UBE3C: variants seen among roughly 807,000 people sequenced by gnomAD.
UBE3C encodes ubiquitin-protein ligase E3C.
UBE3C carries 42 observed loss-of-function variants against 129.4 expected under a neutral mutation model. That is an observed-to-expected ratio of 0.32 (90% CI 0.25 to 0.42). The LOEUF is 0.42. Among genes scored for constraint, UBE3C ranks in the 10% least tolerant of loss-of-function variants. The pLI is 1.00. For synonymous variants in UBE3C, 510 were observed against 492.4 expected, an observed-to-expected ratio of 1.04 and a Z score of -0.47; for missense variants, 1,049 against 1,319.1, an observed-to-expected ratio of 0.80 and a Z score of 3.17.
At chr7:157,146,365 A>C (rs1807605095) in intron 1 of UBE3C, among the ~76,000 whole-genome samples, 1 of 151,350 alleles carries the variant, frequency 6.6e-6, no homozygotes. Flanking sequence ...CCGAGTAGCT[A>C]GGATTACAGG....
intron 13 of UBE3C, among the ~76,000 whole-genome samples, chr7:157,215,786 C>G (rs1287770199): frequency 6.6e-6 from 1 of 151,988 alleles, no homozygotes; most frequent in East Asian, 1.9e-4. Flanking sequence ...TTTGGTTTAT[C>G]TTTGTTTATT....
Position 157,257,026 on chromosome 7 carries a change from C to G in UBE3C, c.3063C>G (p.Pro1021=). ...AGTTTGTAACAAGCTGCTCTCGACC[C>G]CCTCTCTTGGGGTTTAAGGTACACA... is the stretch of plus-strand genomic sequence containing the variant. ...LLKFVTSCSR[P]PLLGFKELYP... is the part of the protein sequence containing the mutation. The change falls in exon 22 of 23, where the codon CCC becomes CCG. Residue 1021 remains proline (P), a synonymous_variant. Coordinates refer to ENST00000348165, the MANE Select transcript of UBE3C (RefSeq NM_014671.3). 6.2e-7 allele frequency: 1 copy of G among 1,614,182 alleles called. No individual in the cohort carries two copies. The highest frequency in any genetic ancestry group is 8.5e-7 in the Non-Finnish European group (1 of 1,180,032).
intron 1 of UBE3C, among the ~76,000 whole-genome samples, chr7:157,156,400 A>G (rs1228510995): frequency 7.2e-6 from 1 of 138,084 alleles, no homozygotes. Context: ...TCCACCTCCC[A>G]GGTTCAAGTG....
intron 2 of UBE3C, chr7:157,164,553 A>T: frequency 2.3e-6 from 1 of 427,698 alleles, no homozygotes; most frequent in Non-Finnish European, 4.7e-6. Flanking sequence ...CACTAATGAC[A>T]TTTTTATTGT....
At chr7:157,174,543 C>G (rs1037264477) in intron 4 of UBE3C, among the ~76,000 whole-genome samples, 1 of 152,126 alleles carries the variant, frequency 6.6e-6, no homozygotes, top group Non-Finnish European at 1.5e-5. Flanking sequence ...ACCCACACCC[C>G]GCAAGTTCAA....
chr7:157,145,342 A>G (rs1807575360), intron 1 of UBE3C, among the ~76,000 whole-genome samples: 1 of 151,774 alleles, frequency 6.6e-6, no homozygotes, highest in Non-Finnish European at 1.5e-5. Flanking sequence ...ACATGGTGAT[A>G]CTCTATCTCT....
At chr7:157,163,747 T>C in intron 1 of UBE3C, 63 bp from the exon 2 acceptor site, 13 of 1,555,628 alleles carry the variant, frequency 8.4e-6, no homozygotes, top group Non-Finnish European at 1.1e-5. Context: ...TCTGTAATTT[T>C]TGTATGGGAG....
At position 157,138,943 on chromosome 7, in the gene UBE3C, A is replaced by G. The variant is rs1028228270; in HGVS notation, c.-330A>G. ...AGGGCCGCGCACGCACTGACGGCTGACCGCCATCTTCCCTCCCGAGGCGGC... is the reference window on the plus strand; with the variant it reads ...AGGGCCGCGCACGCACTGACGGCTGGCCGCCATCTTCCCTCCCGAGGCGGC... On this transcript the variant is annotated 5_prime_UTR_variant, in exon 1 of 23. Transcript: ENST00000348165. 6.7e-6 allele frequency: 1 copy of G among 150,220 alleles called. No individual in the cohort carries two copies. The highest frequency in any genetic ancestry group is 1.5e-5 in the Non-Finnish European group (1 of 67,780). 9.3% of individuals were successfully genotyped at this position (150,220 alleles called of 1,614,324 possible). A position where few individuals can be genotyped will look rare whatever the true frequency, so the allele number is the denominator to read the frequency against.
At chr7:157,262,468 G>A (rs916319245) in intron 22 of UBE3C, among the ~76,000 whole-genome samples, 68 of 125,442 alleles carry the variant, frequency 5.4e-4, no homozygotes, top group African/African-American at 1.6e-3. Flanking sequence ...TGCCCAGGCT[G>A]GAGTACAATG....
At chr7:157,162,408 TGG>T (rs1808096101) in intron 1 of UBE3C, among the ~76,000 whole-genome samples, 1 of 152,148 alleles carries the variant, frequency 6.6e-6, no homozygotes, top group Non-Finnish European at 1.5e-5. Context: ...TTGGCCAGGC[TGG>T]TCTCGAACTC....
At chr7:157,172,986 T>C (rs957260213) in intron 4 of UBE3C, among the ~76,000 whole-genome samples, 1 of 152,218 alleles carries the variant, frequency 6.6e-6, no homozygotes, top group African/African-American at 2.4e-5. Flanking sequence ...TATTTGACTT[T>C]CGGCCTCGAG....
intron 18 of UBE3C, among the ~76,000 whole-genome samples, chr7:157,237,128 C>T (rs1220833245): frequency 6.6e-6 from 1 of 152,132 alleles, no homozygotes; most frequent in Non-Finnish European, 1.5e-5. Context: ...TTCCTGAATT[C>T]AGTTGATTGC....
intron 18 of UBE3C, among the ~76,000 whole-genome samples, chr7:157,237,864 T>C (rs1031785161): frequency 1.0e-4 from 15 of 149,916 alleles, no homozygotes; most frequent in Non-Finnish European, 1.5e-4. Context: ...TAGGCATACA[T>C]AGGGAGACCT....
intron 17 of UBE3C, among the ~76,000 whole-genome samples, chr7:157,227,453 C>T (rs973588198): frequency 1.3e-5 from 2 of 152,082 alleles, no homozygotes; most frequent in East Asian, 3.8e-4. Context: ...AATCCCAGCA[C>T]TTTGGGAGGC....
chr7:157,139,297 A>G lies in UBE3C; in HGVS notation c.25A>G (p.Lys9Glu). ...GATGTTCAGCTTCGAAGGCGACTTC[A>G]AGACGCGGCCCAAGGTGTCCCTTGG... Reference protein sequence around the residue: MFSFEGDFKTRPKVSLGGA... With the variant: MFSFEGDFETRPKVSLGGA... Residue 9 changes from lysine (K) to glutamate (E), a missense_variant, in exon 1 of 23, where the codon AAG (lysine) becomes GAG (glutamate). By Grantham distance (56) the Lys-to-Glu change is moderately conservative (BLOSUM62 1). Around this residue, in one of 4 missense-constraint regions of UBE3C, gnomAD observed 489 missense variants for 513.8 expected, o/e 0.95. Transcript: ENST00000348165. 1 of 1,583,110 alleles carries G rather than the reference A, an allele frequency of 6.3e-7. No homozygotes were observed. Among genetic ancestry groups the G allele is most frequent in the African/African-American group, 1.4e-5 (1 of 72,308 alleles).
intron 2 of UBE3C, among the ~76,000 whole-genome samples, chr7:157,165,538 C>G (rs574460323): frequency 1.3e-5 from 2 of 152,012 alleles, no homozygotes; most frequent in African/African-American, 4.8e-5. Context: ...GCTGGGACTA[C>G]AGGTGCACGC....
At chr7:157,147,172 A>G (rs186845185) in intron 1 of UBE3C, among the ~76,000 whole-genome samples, 35 of 152,316 alleles carry the variant, frequency 2.3e-4, no homozygotes, top group South Asian at 6.2e-4. Context: ...TGAATATGGA[A>G]TATCTCTTAA....
intron 8 of UBE3C, among the ~76,000 whole-genome samples, chr7:157,182,696 T>C (rs530044157): frequency 6.6e-6 from 1 of 152,010 alleles, no homozygotes; most frequent in African/African-American, 2.4e-5. Flanking sequence ...CATACATACA[T>C]GCATGAATTA....
Position 157,139,445 on chromosome 7 carries a change from G to A in UBE3C, c.66+107G>A, listed in dbSNP as rs1807365878. The A allele has an allele frequency of 3.6e-6, 4 of 1,120,586 alleles. No homozygotes were observed. The East Asian group carries it at 9.9e-5, about 28-fold the overall frequency. 69.4% of individuals were successfully genotyped at this position (1,120,586 alleles called of 1,614,324 possible). A position where few individuals can be genotyped will look rare whatever the true frequency, so the allele number is the denominator to read the frequency against. On this transcript the variant is annotated intron_variant, in intron 1 of 22. Coordinates refer to ENST00000348165, the MANE Select transcript of UBE3C (RefSeq NM_014671.3). ...GGGCTGGACTCGGGGCCGAGACTTG[G>A]GGCTGGATTCGGGGCCTCCCTGGCG...
Sources: gnomAD v4.1 joint callset for allele counts (sites outside exome capture counted in the v4.1 genomes callset) on GRCh38, gnomAD v4.1.1 for gene constraint, gnomAD v4.1.1 regional missense constraint, MANE v1.5 for transcripts, NCBI Gene and HGNC (gene_info 2026-07-23, HGNC 2026-07-21) for gene names.